Variants in GNPDA2 observed in about 807,000 individuals in gnomAD.
GNPDA2 encodes the protein glcN6P deaminase 2.
GNPDA2 carries 24 observed loss-of-function variants against 27.0 expected under a neutral mutation model. The observed-to-expected ratio is 0.89, with a 90% CI of 0.64 to 1.25. The LOEUF (loss-of-function observed/expected upper bound fraction) is 1.25. Among genes scored for constraint, GNPDA2 ranks in the 50% most tolerant of loss-of-function variants. The pLI is 0.00. For synonymous variants in GNPDA2, 94 were observed against 108.4 expected (o/e 0.87, Z 0.83); for missense variants, 286 against 335.1 (o/e 0.85, Z 1.14).
At position 44,717,143 on chromosome 4, in the gene GNPDA2, CTTTTA is replaced by C. The variant is rs775310223; in HGVS notation, c.374_378del (p.Ile125ArgfsTer22). 5 of 1,608,318 alleles carry C rather than the reference CTTTTA, an allele frequency of 3.1e-6. No homozygotes were observed. The highest frequency in any genetic ancestry group is 1.7e-5 in the Admixed American group (1 of 59,328). On this transcript the variant is annotated frameshift_variant, in exon 4 of 7. Transcript: ENST00000295448. LOFTEE classifies it high-confidence loss of function. ...ACAAAAAGATCTATTCCTCCAGCTT[CTTTTA>C]TTTTGTTTTCAAAAGCATCACATTC...
intron 6 of GNPDA2, chr4:44,704,579 T>C (rs182338751): frequency 1.3e-6 from 1 of 752,108 alleles, no homozygotes; most frequent in East Asian, 1.3e-4. Context: ...TATTAATTGC[T>C]TTTTAGATAT....
chr4:44,702,710 G>C lies in GNPDA2; in HGVS notation c.*371C>G. On this transcript the variant is annotated 3_prime_UTR_variant, in exon 7 of 7. Transcript: ENST00000295448. ...GATAGTTTGTTATCTGAAAGGTTTG[G>C]AGTGTCTTGTCATTAAAAAATGAAA... 3.8e-6 allele frequency: 4 copies of C among 1,053,398 alleles called. No homozygotes were observed. Among genetic ancestry groups the C allele is most frequent in the Non-Finnish European group, 4.6e-6 (4 of 874,604 alleles). 65.3% of individuals were successfully genotyped at this position (1,053,398 alleles called of 1,614,324 possible).
rs928646260 is a variant in GNPDA2 at position 44,717,127 on chromosome 4, T to A, written c.395A>T (p.Asp132Val). The A allele has an allele frequency of 1.2e-6, 2 of 1,604,790 alleles. No individual in the cohort carries two copies. The highest frequency in any genetic ancestry group is 1.7e-6 in the Non-Finnish European group (2 of 1,175,720). ...TTTTTACATACCTCCAACAAAAAGA[T>A]CTATTCCTCCAGCTTCTTTTATTTT... ...ENKIKEAGGI[D>V]LFVGGIGPDG... Residue 132 changes from aspartate (D) to valine (V), a missense_variant, in exon 4 of 7, where the codon GAT becomes GTT. Coordinates refer to ENST00000295448, the MANE Select transcript of GNPDA2 (RefSeq NM_138335.3).
intron 6 of GNPDA2, chr4:44,704,947 C>T: frequency 1.0e-6 from 1 of 984,288 alleles, no homozygotes. Context: ...ATGAATAAAA[C>T]AAATCCCCAC....
At position 44,718,422 on chromosome 4, in the gene GNPDA2, A is replaced by T. The variant is rs774032434; in HGVS notation, c.125-12T>A. Reference sequence around the variant, plus strand: ...TAAAGGTGTACTCCCTAAAAGACATAAAAATTCCATTTTCTAAAATGACTT... The same window carrying T: ...TAAAGGTGTACTCCCTAAAAGACATTAAAATTCCATTTTCTAAAATGACTT... On this transcript the variant is annotated splice_polypyrimidine_tract_variant and intron_variant, in intron 2 of 6. Transcript: ENST00000295448. 2.0e-6 allele frequency: 2 copies of T among 1,002,396 alleles called. No homozygotes were observed. The highest frequency in any genetic ancestry group is 2.9e-6 in the Non-Finnish European group (2 of 696,702). 62.1% of individuals were successfully genotyped at this position (1,002,396 alleles called of 1,614,324 possible).
intron 2 of GNPDA2, 40 bp downstream of exon 2, chr4:44,722,044 G>A: frequency 7.1e-7 from 1 of 1,413,266 alleles, no homozygotes; most frequent in South Asian, 1.2e-5. Flanking sequence ...ATTAAATTTA[G>A]ATAATATCAG....
At chr4:44,719,044 C>G (rs7692141) in intron 2 of GNPDA2, among the ~76,000 whole-genome samples, 79,871 of 151,836 alleles carry the variant, frequency 0.53, 22,434 homozygotes, top group Non-Finnish European at 0.64. Context: ...GTTCTTGATT[C>G]TATTGTTTTA....
rs1400160973 is a variant in GNPDA2 at position 44,703,023 on chromosome 4, TCTA to T, written c.*55_*57del. 3.8e-6 allele frequency: 6 copies of T among 1,597,264 alleles called. No homozygotes were observed. Among genetic ancestry groups the T allele is most frequent in the Non-Finnish European group, 3.4e-6 (4 of 1,175,428 alleles). On this transcript the variant is annotated 3_prime_UTR_variant, in exon 7 of 7. Coordinates refer to ENST00000295448, the MANE Select transcript of GNPDA2 (RefSeq NM_138335.3). The stretch of plus-strand genomic sequence containing the variant: ...GTCATATTGCATAGCTGAAAATTCA[TCTA>T]CTACTTAGTAAAAAGTGCTCTGTTC...
chr4:44,703,064 T>A lies in GNPDA2; in HGVS notation c.*17A>T. On this transcript the variant is annotated 3_prime_UTR_variant, in exon 7 of 7. Coordinates refer to ENST00000295448, the MANE Select transcript of GNPDA2 (RefSeq NM_138335.3). ...AAGTGCTCTGTTCATTCAAGCTGAA[T>A]TTTGCTCCAGTCTCCTTCAGTTTCC... 6.2e-7 allele frequency: 1 copy of A among 1,610,994 alleles called. No homozygotes were observed. Among genetic ancestry groups the A allele is most frequent in the Admixed American group, 1.7e-5 (1 of 59,632 alleles).
rs1716285952 is a variant in GNPDA2 at position 44,701,851 on chromosome 4, A to G, written c.*1230T>C. 1 of 983,542 alleles carries G rather than the reference A, an allele frequency of 1.0e-6. No homozygotes were observed. Among genetic ancestry groups the G allele is most frequent in the Non-Finnish European group, 1.2e-6 (1 of 828,276 alleles). The allele number at this position is 983,542 out of a possible 1,614,324, so 60.9% of individuals were successfully genotyped here. A position where few individuals can be genotyped will look rare whatever the true frequency, so the allele number is the denominator to read the frequency against. Reference sequence around the variant, plus strand: ...TTTACCCCATCCCCCACTTTTAACCATAAAACCCTATTACCAATTTTATTT... The same window carrying G: ...TTTACCCCATCCCCCACTTTTAACCGTAAAACCCTATTACCAATTTTATTT... On this transcript the variant is annotated 3_prime_UTR_variant, in exon 7 of 7. Coordinates refer to ENST00000295448, the MANE Select transcript of GNPDA2 (RefSeq NM_138335.3).
intron 1 of GNPDA2, among the ~76,000 whole-genome samples, chr4:44,723,770 A>C (rs1320574037): frequency 6.6e-6 from 1 of 152,152 alleles, no homozygotes; most frequent in Non-Finnish European, 1.5e-5. Context: ...AAGCAGCGAA[A>C]GCAGGGATAC....
Position 44,707,748 on chromosome 4 carries a change from T to C in GNPDA2, c.769+4A>G, listed in dbSNP as rs1311892681. ...TCAGTCGGCTTTTGAAATTCAGTGC[T>C]CACCTTTAAAGTATTTCACAGTTTT... On this transcript the variant is annotated splice_donor_region_variant and intron_variant, in intron 6 of 6. Transcript: ENST00000295448. 5.0e-6 allele frequency: 8 copies of C among 1,610,502 alleles called. No homozygotes were observed. The highest frequency in any genetic ancestry group is 2.7e-5 in the African/African-American group (2 of 74,802).
Position 44,717,226 on chromosome 4 carries a change from A to G in GNPDA2, c.296T>C (p.Ile99Thr). ...AAGGATATGTGCATTATTAGGATCT[A>G]TATCGATATGCTTAAAAAAATTATT... ...MWNNFFKHID[I>T]DPNNAHILDG... is the part of the protein sequence containing the mutation. The change falls in exon 4 of 7, where the codon ATA becomes ACA. Residue 99 changes from isoleucine (I) to threonine (T), a missense_variant. Coordinates refer to ENST00000295448, the MANE Select transcript of GNPDA2 (RefSeq NM_138335.3). 1 of 1,582,074 alleles carries G rather than the reference A, an allele frequency of 6.3e-7. No individual in the cohort carries two copies. Among genetic ancestry groups the G allele is most frequent in the South Asian group, 1.2e-5 (1 of 86,308 alleles).
chr4:44,718,622 A>T (rs1717467003), intron 2 of GNPDA2, among the ~76,000 whole-genome samples: 1 of 151,938 alleles, frequency 6.6e-6, no homozygotes, highest in Non-Finnish European at 1.5e-5. Flanking sequence ...TCTGTCAATA[A>T]AAATTAAAGT....
Position 44,722,174 on chromosome 4 carries a change from C to G in GNPDA2, c.34G>C (p.Ala12Pro). 6.2e-7 allele frequency: 1 copy of G among 1,613,200 alleles called. No homozygotes were observed. ...ATGTATTTGGCTGCCCATTCACTAG[C>G]CAAGTCATAGTTATCAAGAATTACA... ...RLVILDNYDL[A>P]SEWAAKYICN... is the part of the protein sequence containing the mutation. Residue 12 changes from alanine (A) to proline (P), a missense_variant, in exon 2 of 7, where the codon GCT becomes CCT. By Grantham distance (27) the Ala-to-Pro change is conservative (BLOSUM62 -1). Transcript: ENST00000295448.
intron 5 of GNPDA2, among the ~76,000 whole-genome samples, chr4:44,708,195 T>C (rs1022620608): frequency 6.6e-6 from 1 of 152,146 alleles, no homozygotes; most frequent in Non-Finnish European, 1.5e-5. Context: ...TAGTGAATGA[T>C]GATGTATAAA....
intron 6 of GNPDA2, chr4:44,707,047 A>T (rs1409794012): frequency 6.6e-6 from 1 of 152,038 alleles, no homozygotes; most frequent in Non-Finnish European, 1.5e-5. Context: ...GCTGACTCTT[A>T]AATCAGAGAA....
intron 2 of GNPDA2, among the ~76,000 whole-genome samples, chr4:44,721,001 A>G (rs562763248): frequency 6.6e-6 from 1 of 152,002 alleles, no homozygotes; most frequent in African/African-American, 2.4e-5. Flanking sequence ...TTCAACCCCA[A>G]GGGGTCACAT....
At chr4:44,716,443 G>A (rs1176439598) in intron 4 of GNPDA2, among the ~76,000 whole-genome samples, 6 of 151,796 alleles carry the variant, frequency 4.0e-5, no homozygotes, top group African/African-American at 1.2e-4. Context: ...AGCTGTCTGC[G>A]ATAGTTTACA....
Sources: allele counts gnomAD v4.1 joint callset (sites outside exome capture counted in the v4.1 genomes callset), GRCh38; gene constraint gnomAD v4.1.1; transcripts MANE v1.5; gene names NCBI Gene and HGNC (gene_info 2026-07-23, HGNC 2026-07-21).